Variants in ME3 observed in about 807,000 individuals in gnomAD.
ME3 encodes malic enzyme 3, also known as NADP-dependent malic enzyme, mitochondrial.
A neutral mutation model predicts 68.9 loss-of-function variants in ME3; 48 were observed. That is an observed-to-expected ratio of 0.70 (90% CI 0.55 to 0.89). ME3 has a LOEUF of 0.89. Among genes scored for constraint, ME3 ranks in the 40% least tolerant of loss-of-function variants. The pLI is 0.00. For synonymous variants in ME3, 320 were observed against 318.8 expected, an observed-to-expected ratio of 1.00 and a Z score of -0.04; for missense variants, 675 against 797.4, an observed-to-expected ratio of 0.85 and a Z score of 1.85.
chr11:86,491,030 T>C (rs1951972658), intron 6 of ME3, among the ~76,000 whole-genome samples: 1 of 152,228 alleles, frequency 6.6e-6, no homozygotes, highest in Non-Finnish European at 1.5e-5. Context: ...TATATTTTGC[T>C]TTCCTAATAA....
At chr11:86,526,863 G>C (rs1256140174) in intron 4 of ME3, among the ~76,000 whole-genome samples, 1 of 152,198 alleles carries the variant, frequency 6.6e-6, no homozygotes, top group Non-Finnish European at 1.5e-5. Flanking sequence ...AACCCCATCT[G>C]TACGTCACCA....
intron 2 of ME3, among the ~76,000 whole-genome samples, chr11:86,611,397 T>C (rs515798): frequency 6.6e-6 from 1 of 152,048 alleles, no homozygotes; most frequent in East Asian, 1.9e-4. Context: ...TAATAAGAAT[T>C]GTATACTTGA....
At chr11:86,562,127 C>T (rs1957267411) in intron 2 of ME3, among the ~76,000 whole-genome samples, 2 of 152,276 alleles carry the variant, frequency 1.3e-5, no homozygotes, top group African/African-American at 4.8e-5. Flanking sequence ...ACTGACTCTA[C>T]ATTTTCATCT....
intron 4 of ME3, among the ~76,000 whole-genome samples, chr11:86,523,658 G>A (rs1565897383): frequency 6.6e-6 from 1 of 152,142 alleles, no homozygotes; most frequent in South Asian, 2.1e-4. Context: ...TGAATAAGAA[G>A]AATGCTGATA....
At chr11:86,523,643 C>T (rs1426190138) in intron 4 of ME3, among the ~76,000 whole-genome samples, 1 of 149,990 alleles carries the variant, frequency 6.7e-6, no homozygotes, top group Non-Finnish European at 1.5e-5. Context: ...TCCATCTGTT[C>T]TTCTTGAATA....
intron 2 of ME3, among the ~76,000 whole-genome samples, chr11:86,625,319 A>T (rs968367865): frequency 4.6e-5 from 7 of 151,910 alleles, no homozygotes; most frequent in African/African-American, 1.5e-4. Flanking sequence ...AAGAATGAAG[A>T]CGCGTAGCTG....
At chr11:86,559,434 C>T (rs1000103475) in intron 3 of ME3, among the ~76,000 whole-genome samples, 2 of 152,190 alleles carry the variant, frequency 1.3e-5, no homozygotes, top group Admixed American at 6.5e-5. Context: ...TTCCCAGAGG[C>T]CCTTCCAGAT....
At chr11:86,491,842 A>G (rs755382019) in intron 6 of ME3, among the ~76,000 whole-genome samples, 1 of 152,254 alleles carries the variant, frequency 6.6e-6, no homozygotes, top group Non-Finnish European at 1.5e-5. Flanking sequence ...TGACCCATGT[A>G]TTACATGGAA....
chr11:86,473,006 C>A (rs754057033), intron 7 of ME3, among the ~76,000 whole-genome samples: 9 of 152,152 alleles, frequency 5.9e-5, no homozygotes, highest in African/African-American at 2.2e-4. Flanking sequence ...ATGAGGTCAG[C>A]GGAGGGGAAC....
Position 86,575,162 on chromosome 11 carries a change from A to AT in ME3, c.184-15340dup, listed in dbSNP as rs940612003. Among the ~76,000 whole-genome samples the AT allele has an allele frequency of 8.8e-5, 13 of 147,546 alleles. 1 individual carries two copies. The highest frequency in any genetic ancestry group is 2.1e-4 in the South Asian group (1 of 4,690). On this transcript the variant is annotated intron_variant, in intron 2 of 14. Coordinates refer to ENST00000543262, the Ensembl canonical transcript of ME3. ...CTAACATTTTTAAAATGTGCTTCTA[A>AT]TAACTGTTGTGCCAATGCATTAAAC...
chr11:86,617,540 A>G (rs891667843), intron 2 of ME3, among the ~76,000 whole-genome samples: 42 of 152,232 alleles, frequency 2.8e-4, no homozygotes, highest in African/African-American at 8.4e-4. Flanking sequence ...GATTTTGAAG[A>G]GACTCTACAT....
chr11:86,482,622 G>C (rs1339211932), intron 7 of ME3, among the ~76,000 whole-genome samples: 2 of 150,724 alleles, frequency 1.3e-5, no homozygotes, highest in African/African-American at 4.9e-5. Flanking sequence ...CCAGTATAAT[G>C]TGGTGGAAGT....
intron 5 of ME3, among the ~76,000 whole-genome samples, chr11:86,507,747 C>T (rs774581909): frequency 6.6e-6 from 1 of 152,126 alleles, no homozygotes; most frequent in South Asian, 2.1e-4. Flanking sequence ...TTTTGGGAGG[C>T]GTCGATGGAC....
chr11:86,566,150 G>A (rs1180208216), intron 2 of ME3, among the ~76,000 whole-genome samples: 2 of 152,226 alleles, frequency 1.3e-5, no homozygotes, highest in Non-Finnish European at 2.9e-5. Context: ...TCCGTGGACA[G>A]CAGACATCAA....
chr11:86,521,546 CCT>C (rs1176937924), intron 4 of ME3, among the ~76,000 whole-genome samples: 1 of 151,814 alleles, frequency 6.6e-6, no homozygotes, highest in Non-Finnish European at 1.5e-5. Flanking sequence ...CGTAAAGGAG[CCT>C]CTCTTTAAAT....
intron 2 of ME3, among the ~76,000 whole-genome samples, chr11:86,589,097 G>A (rs544738838): frequency 1.1e-4 from 17 of 152,244 alleles, no homozygotes; most frequent in Non-Finnish European, 2.5e-4. Context: ...TCATTGGCCT[G>A]GGAATCCAGG....
intron 2 of ME3, among the ~76,000 whole-genome samples, chr11:86,611,163 A>G (rs1330844432): frequency 1.3e-5 from 2 of 152,228 alleles, no homozygotes; most frequent in African/African-American, 4.8e-5. Flanking sequence ...CAAATGCTGC[A>G]TGATCTCAGT....
chr11:86,598,414 C>A (rs1295489639), intron 2 of ME3, among the ~76,000 whole-genome samples: 1 of 152,242 alleles, frequency 6.6e-6, no homozygotes, highest in Non-Finnish European at 1.5e-5. Context: ...CCCGCCATTG[C>A]CCAGACTCGC....
intron 7 of ME3, among the ~76,000 whole-genome samples, chr11:86,480,237 G>A (rs941937356): frequency 1.3e-5 from 2 of 152,200 alleles, no homozygotes; most frequent in Admixed American, 6.5e-5. Context: ...TGTTAGTGCT[G>A]CTTCAAGCTT....
Sources: allele counts gnomAD v4.1 joint callset (sites outside exome capture counted in the v4.1 genomes callset), GRCh38; gene constraint gnomAD v4.1.1; transcripts MANE v1.5; gene names NCBI Gene and HGNC (gene_info 2026-07-23, HGNC 2026-07-21).